Variants in ISM1 observed in about 807,000 individuals in gnomAD.
The protein encoded by ISM1 is isthmin 1, also known as isthmin-1.
ISM1 carries 25 observed loss-of-function variants against 46.3 expected under a neutral mutation model. The observed-to-expected ratio is 0.54, with a 90% CI of 0.39 to 0.75. The LOEUF is 0.75. ISM1 is among the 30% of genes least tolerant of loss of function. ISM1 has a pLI of 0.00. For synonymous variants in ISM1, 255 were observed against 256.7 expected (o/e 0.99, Z 0.06); for missense variants, 536 against 625.4 (o/e 0.86, Z 1.52).
intron 2 of ISM1, among the ~76,000 whole-genome samples, chr20:13,278,458 A>T (rs1008885836): frequency 1.3e-4 from 20 of 152,118 alleles, no homozygotes; most frequent in African/African-American, 3.9e-4. Context: ...CCCCACCTGC[A>T]CCTGTGGTCT....
chr20:13,306,308 T>C, the ISM1 span, among the ~76,000 whole-genome samples: 2 of 152,138 alleles, frequency 1.3e-5, no homozygotes, highest in Non-Finnish European at 2.9e-5. Flanking sequence ...ACAAAGGTCA[T>C]AGCTAAATCA....
the ISM1 span, among the ~76,000 whole-genome samples, chr20:13,306,564 C>CAAAAAAAAAAAAAAAA: frequency 7.8e-5 from 5 of 63,914 alleles, no homozygotes; most frequent in Non-Finnish European, 1.3e-4. Context: ...GGAGAAAGGA[C>CAAAAAAAAAAAAAAAA]AAAAAAAAAA....
At chr20:13,314,497 A>G in the ISM1 span, among the ~76,000 whole-genome samples, 1 of 152,104 alleles carries the variant, frequency 6.6e-6, no homozygotes, top group South Asian at 2.1e-4. Flanking sequence ...AGAGAGAGAA[A>G]AAAAACCACC....
intron 1 of ISM1, among the ~76,000 whole-genome samples, chr20:13,250,491 C>T (rs1223179675): frequency 1.3e-5 from 2 of 152,184 alleles, no homozygotes; most frequent in Admixed American, 1.3e-4. Flanking sequence ...TTGGGCAAAC[C>T]ATGGCAACAC....
chr20:13,282,875 G>A (rs1043212359), intron 3 of ISM1, among the ~76,000 whole-genome samples: 18 of 152,160 alleles, frequency 1.2e-4, no homozygotes, highest in Admixed American at 2.6e-4. Flanking sequence ...CACACTTTGA[G>A]TAGCAAAACT....
At chr20:13,268,045 A>G (rs1052947144) in intron 1 of ISM1, among the ~76,000 whole-genome samples, 1 of 152,192 alleles carries the variant, frequency 6.6e-6, no homozygotes, top group Admixed American at 6.5e-5. Flanking sequence ...GCATTCAGCT[A>G]TCTCCCCTTT....
chr20:13,276,290 A>G (rs941730963), intron 2 of ISM1, among the ~76,000 whole-genome samples: 1 of 152,210 alleles, frequency 6.6e-6, no homozygotes, highest in African/African-American at 2.4e-5. Flanking sequence ...CTGTATTCTC[A>G]GTGGCGTTGG....
chr20:13,289,028 C>T (rs879740176), intron 4 of ISM1, among the ~76,000 whole-genome samples: 2 of 152,044 alleles, frequency 1.3e-5, no homozygotes, highest in Non-Finnish European at 2.9e-5. Context: ...CCTTGTGATC[C>T]GCCCGCCTCA....
At chr20:13,301,889 A>G (rs924549824), downstream of ISM1, among the ~76,000 whole-genome samples, 1 of 152,206 alleles carries the variant, frequency 6.6e-6, no homozygotes, top group Non-Finnish European at 1.5e-5. Context: ...ACAAAGTACT[A>G]TGAAGAAATA....
chr20:13,320,479 A>G, the ISM1 span, among the ~76,000 whole-genome samples: 7 of 152,260 alleles, frequency 4.6e-5, no homozygotes, highest in Non-Finnish European at 8.8e-5. Context: ...GAAAAGAAGT[A>G]TAGGACAGAT....
chr20:13,263,209 C>A (rs1420063249), intron 1 of ISM1, among the ~76,000 whole-genome samples: 1 of 152,190 alleles, frequency 6.6e-6, no homozygotes, highest in East Asian at 1.9e-4. Flanking sequence ...TGATTGCCAT[C>A]ATACACAGGC....
At chr20:13,292,503 T>C (rs771940966) in intron 5 of ISM1, 40 bp downstream of exon 5, 44 of 1,262,092 alleles carry the variant, frequency 3.5e-5, no homozygotes, top group Non-Finnish European at 6.8e-6. Context: ...ATTGACTTAG[T>C]GCCTCGGAGA....
intron 1 of ISM1, among the ~76,000 whole-genome samples, chr20:13,227,959 CTT>C (rs747478331): frequency 0.025 from 3,183 of 128,938 alleles, 54 homozygotes; most frequent in African/African-American, 0.081. Flanking sequence ...CTGCTGCTGC[CTT>C]TTTTTTTTTT....
the ISM1 span, among the ~76,000 whole-genome samples, chr20:13,309,605 G>C: frequency 6.6e-6 from 1 of 151,992 alleles, no homozygotes; most frequent in Non-Finnish European, 1.5e-5. Context: ...AGAACAAGTA[G>C]GCAAGAAAAA....
the ISM1 span, among the ~76,000 whole-genome samples, chr20:13,320,965 G>A: frequency 2.0e-5 from 3 of 152,162 alleles, no homozygotes; most frequent in Non-Finnish European, 2.9e-5. Flanking sequence ...TTGGGAGGCC[G>A]AGGCTGGTGG....
intron 2 of ISM1, among the ~76,000 whole-genome samples, chr20:13,277,975 T>C (rs1024100433): frequency 1.3e-5 from 2 of 152,176 alleles, no homozygotes; most frequent in Non-Finnish European, 2.9e-5. Context: ...GTCTCAGGGA[T>C]GGGCACGCCC....
chr20:13,235,427 C>T (rs1335684082), intron 1 of ISM1, among the ~76,000 whole-genome samples: 1 of 152,224 alleles, frequency 6.6e-6, no homozygotes, highest in Non-Finnish European at 1.5e-5. Flanking sequence ...AATCCTTACA[C>T]TTCTCTACAT....
At chr20:13,254,313 T>C (rs1187016550) in intron 1 of ISM1, among the ~76,000 whole-genome samples, 1 of 151,874 alleles carries the variant, frequency 6.6e-6, no homozygotes, top group East Asian at 1.9e-4. Context: ...ACCATATACA[T>C]ATACTTTAAA....
chr20:13,222,476 G>C (rs755060228), intron 1 of ISM1, among the ~76,000 whole-genome samples: 7 of 151,908 alleles, frequency 4.6e-5, no homozygotes, highest in Non-Finnish European at 1.0e-4. Context: ...CTCTTCCTCC[G>C]GGAGCCTCGC....
Sources: allele counts gnomAD v4.1 joint callset (sites outside exome capture counted in the v4.1 genomes callset), GRCh38; gene constraint gnomAD v4.1.1; transcripts MANE v1.5; gene names NCBI Gene and HGNC (gene_info 2026-07-23, HGNC 2026-07-21).